DSTYK: variants seen among roughly 807,000 people sequenced by gnomAD.
The protein encoded by DSTYK is RIP-homologous kinase.
Under a neutral mutation model 98.7 loss-of-function variants are expected in DSTYK, and 34 were observed. That is an observed-to-expected ratio of 0.34 (90% CI 0.26 to 0.46). DSTYK has a LOEUF of 0.46. Among genes scored for constraint, DSTYK ranks in the 20% least tolerant of loss-of-function variants. The pLI is 1.00. For synonymous variants in DSTYK, 462 were observed against 457.3 expected, an observed-to-expected ratio of 1.01 and a Z score of -0.13; for missense variants, 962 against 1,181.7, an observed-to-expected ratio of 0.81 and a Z score of 2.73.
chr1:205,186,958 G>T (rs905081539), intron 2 of DSTYK, among the ~76,000 whole-genome samples: 1 of 152,114 alleles, frequency 6.6e-6, no homozygotes, highest in Admixed American at 6.5e-5. Flanking sequence ...TTAGATCTAA[G>T]GAAGAACCCA....
intron 2 of DSTYK, among the ~76,000 whole-genome samples, chr1:205,182,498 T>TAAAAAAAAAAA (rs386369411): frequency 3.9e-5 from 3 of 77,750 alleles, no homozygotes; most frequent in Admixed American, 1.7e-4. Flanking sequence ...TTAAAAACGG[T>TAAAAAAAAAAA]AAAAAAAAAA....
chr1:205,159,648 G>A lies in DSTYK; in HGVS notation c.2137C>T (p.Leu713Phe), dbSNP rs2102396992. The stretch of plus-strand genomic sequence containing the variant: ...TTGTAGTCAATGACTGAACCATGGA[G>A]ATCCACCAATCGCTCATGCTTCGGC... ...SLPKHERLVD[L>F]HGSVIDYNYG... Residue 713 changes from leucine (L) to phenylalanine (F), a missense_variant, in exon 9 of 13, where the codon CTC (leucine) becomes TTC (phenylalanine). Leu to Phe is a conservative substitution (Grantham distance 22). Transcript: ENST00000367162. 1 of 1,613,830 alleles carries A rather than the reference G, an allele frequency of 6.2e-7. No individual in the cohort carries two copies. The highest frequency in any genetic ancestry group is 8.5e-7 in the Non-Finnish European group (1 of 1,180,014).
chr1:205,204,792 A>C (rs1659152873), intron 1 of DSTYK, among the ~76,000 whole-genome samples: 1 of 152,046 alleles, frequency 6.6e-6, no homozygotes. Flanking sequence ...CCACTAATCT[A>C]CTTTCTATCT....
At chr1:205,198,080 C>T (rs900112944) in intron 1 of DSTYK, among the ~76,000 whole-genome samples, 8 of 152,088 alleles carry the variant, frequency 5.3e-5, no homozygotes, top group African/African-American at 9.7e-5. Flanking sequence ...GTAATCCCAG[C>T]TACTCGGTAG....
intron 1 of DSTYK, among the ~76,000 whole-genome samples, chr1:205,209,220 C>G (rs1204002492): frequency 6.6e-6 from 1 of 152,144 alleles, no homozygotes; most frequent in Admixed American, 6.5e-5. Context: ...GTTTTAGAAG[C>G]AAGTCTAAAA....
chr1:205,202,441 A>G, intron 1 of DSTYK: 1 of 762,634 alleles, frequency 1.3e-6, no homozygotes, highest in East Asian at 2.5e-5. Flanking sequence ...TCAGTGGCCC[A>G]AAAAGCTTGC....
At chr1:205,209,648 C>T (rs1375377584) in intron 1 of DSTYK, among the ~76,000 whole-genome samples, 6 of 45,936 alleles carry the variant, frequency 1.3e-4, no homozygotes, top group Admixed American at 3.2e-4. Context: ...TTTTCTGAAA[C>T]TACTAGTTTT....
In DSTYK at chr1:205,159,682, G is replaced by A; in HGVS notation, c.2106-3C>T. The A allele has an allele frequency of 6.2e-7, 1 of 1,613,102 alleles. No homozygotes were observed. Among genetic ancestry groups the A allele is most frequent in the Non-Finnish European group, 8.5e-7 (1 of 1,179,966 alleles). On this transcript the variant is annotated splice_polypyrimidine_tract_variant and splice_region_variant and intron_variant, in intron 8 of 12. Coordinates refer to ENST00000367162, the MANE Select transcript of DSTYK (RefSeq NM_015375.3). Reference sequence around the variant, plus strand: ...ATCGCTCATGCTTCGGCAGAGACCTGGAGGGAAGGAGAGAGATCTGGGCTA... The same window carrying A: ...ATCGCTCATGCTTCGGCAGAGACCTAGAGGGAAGGAGAGAGATCTGGGCTA...
At chr1:205,159,059 GA>G (rs1657637953) in intron 9 of DSTYK, among the ~76,000 whole-genome samples, 1 of 151,984 alleles carries the variant, frequency 6.6e-6, no homozygotes, top group South Asian at 2.1e-4. Flanking sequence ...ATAATGGGGT[GA>G]AAATAGGTTC....
At chr1:205,161,590 C>G (rs1319358813) in intron 6 of DSTYK, among the ~76,000 whole-genome samples, 8 of 152,320 alleles carry the variant, frequency 5.3e-5, no homozygotes, top group South Asian at 2.1e-4. Flanking sequence ...ATACTCACAT[C>G]TATCCACTCT....
intron 10 of DSTYK, among the ~76,000 whole-genome samples, chr1:205,155,107 C>T (rs1657519996): frequency 6.6e-6 from 1 of 152,046 alleles, no homozygotes; most frequent in South Asian, 2.1e-4. Context: ...GCCTCAGCCT[C>T]CCAAGTAGCT....
At chr1:205,187,393 T>C in intron 2 of DSTYK, 25 bp downstream of exon 2, 1 of 1,572,414 alleles carries the variant, frequency 6.4e-7, no homozygotes, top group Non-Finnish European at 8.6e-7. Context: ...TGTATACAAT[T>C]GGTATAGAAG....
At chr1:205,176,011 C>T (rs535855037) in intron 2 of DSTYK, among the ~76,000 whole-genome samples, 6 of 152,258 alleles carry the variant, frequency 3.9e-5, no homozygotes, top group African/African-American at 1.2e-4. Flanking sequence ...GCATTTTGCT[C>T]CTAACTCAAT....
At chr1:205,168,818 G>A (rs1056032439) in intron 3 of DSTYK, among the ~76,000 whole-genome samples, 2 of 152,204 alleles carry the variant, frequency 1.3e-5, no homozygotes, top group Non-Finnish European at 2.9e-5. Context: ...AGGAGCAAAG[G>A]TTAAAGCACA....
intron 2 of DSTYK, among the ~76,000 whole-genome samples, chr1:205,171,043 A>AAC (rs397778809): frequency 6.6e-6 from 1 of 150,768 alleles, no homozygotes; most frequent in South Asian, 2.1e-4. Context: ...AAAAAAAAAA[A>AAC]CCCAAAAACT....
intron 1 of DSTYK, among the ~76,000 whole-genome samples, chr1:205,203,222 C>T (rs1659092862): frequency 6.6e-6 from 1 of 151,468 alleles, no homozygotes; most frequent in Non-Finnish European, 1.5e-5. Context: ...GGAGCTCACG[C>T]CTGTAATCCC....
At chr1:205,168,390 C>A (rs575979242) in intron 3 of DSTYK, among the ~76,000 whole-genome samples, 1 of 152,274 alleles carries the variant, frequency 6.6e-6, no homozygotes, top group South Asian at 2.1e-4. Flanking sequence ...TAAGCAGAAT[C>A]TACCTAGGGA....
chr1:205,150,607 G>GA lies in DSTYK; in HGVS notation c.2467+72dup. The GA allele has an allele frequency of 8.1e-7, 1 of 1,230,778 alleles. No homozygotes were observed. Among genetic ancestry groups the GA allele is most frequent in the African/African-American group, 1.5e-5 (1 of 66,738 alleles). The allele number at this position is 1,230,778 out of a possible 1,614,324, so 76.2% of individuals were successfully genotyped here. ...ACCTGCCAGTAGTGATTGTGGAAAC[G>GA]AGCTCAAGGGGTAGCACTCAGGATT... On this transcript the variant is annotated intron_variant, in intron 11 of 12. Coordinates refer to ENST00000367162, the MANE Select transcript of DSTYK (RefSeq NM_015375.3). The surrounding 1 kb of genome is among the most constrained non-coding windows in gnomAD (Gnocchi z 4.1).
In DSTYK at chr1:205,169,652, A is replaced by T. The variant is rs1401773239; in HGVS notation, c.835T>A (p.Phe279Ile). The change falls in exon 3 of 13, where the codon TTC becomes ATC. Residue 279 changes from phenylalanine (F) to isoleucine (I), a missense_variant. Physicochemically the swap from Phe to Ile is conservative, Grantham distance 21. Transcript: ENST00000367162. The surrounding 1 kb of genome is among the most constrained non-coding windows in gnomAD (Gnocchi z 4.0). ...TCCGAGCCCAGTTTCGGCACTTTGAAAAAGAATACAGGAAAGGAGAAATAC... is the reference window on the plus strand; with the variant it reads ...TCCGAGCCCAGTTTCGGCACTTTGATAAAGAATACAGGAAAGGAGAAATAC... ...RKYFSFPVFF[F>I]KVPKLGSEII... 1.9e-6 allele frequency: 3 copies of T among 1,614,098 alleles called. No homozygotes were observed. In the African/African-American group the frequency reaches 4.0e-5, roughly 22 times the overall value.
Sources: allele counts gnomAD v4.1 joint callset (sites outside exome capture counted in the v4.1 genomes callset), GRCh38; gene constraint gnomAD v4.1.1; non-coding constraint Gnocchi (gnomAD v3.1); transcripts MANE v1.5; gene names NCBI Gene and HGNC (gene_info 2026-07-23, HGNC 2026-07-21).